MYRIP: variants seen among roughly 807,000 people sequenced by gnomAD.
The protein encoded by MYRIP is rab effector MyRIP.
MYRIP carries 49 observed loss-of-function variants against 98.0 expected under a neutral mutation model. The ratio of observed to expected loss-of-function variants is 0.50; its 90% CI spans 0.40 to 0.63. The LOEUF (loss-of-function observed/expected upper bound fraction) is 0.63. Among genes scored for constraint, MYRIP ranks in the 30% least tolerant of loss-of-function variants. MYRIP has a pLI of 0.00. For synonymous variants in MYRIP, 404 were observed against 409.5 expected (o/e 0.99, Z 0.16); for missense variants, 1,004 against 1,058.2 (o/e 0.95, Z 0.71).
In MYRIP at chr3:39,986,436, TTCTCTCCCTCTC is replaced by T. The variant is rs761387598; in HGVS notation, c.111-57595_111-57584del. Reference sequence around the variant, plus strand: ...TCCTCCCCACTCCCTCTCTGTCTCTTTCTCTCCCTCTCTCTCTCCCTCTCTCTCTCTCTCTGT... The same window carrying T: ...TCCTCCCCACTCCCTCTCTGTCTCTTTCTCTCCCTCTCTCTCTCTCTCTGT... On this transcript the variant is annotated intron_variant, in intron 2 of 16. Coordinates refer to ENST00000302541, the MANE Select transcript of MYRIP (RefSeq NM_015460.4). 1.2e-3 allele frequency among the ~76,000 whole-genome samples: 184 copies of T among 149,114 alleles called. 1 individual carries two copies. The highest frequency in any genetic ancestry group is 2.1e-3 in the Admixed American group (32 of 15,164).
At chr3:40,095,929 A>T (rs747156120) in intron 3 of MYRIP, among the ~76,000 whole-genome samples, 1 of 149,364 alleles carries the variant, frequency 6.7e-6, no homozygotes, top group Non-Finnish European at 1.5e-5. Flanking sequence ...CTTTTTTCTC[A>T]CACACACACA....
Position 40,209,709 on chromosome 3 carries a change from T to G in MYRIP, c.1666-145T>G, listed in dbSNP as rs1385563991. Reference sequence around the variant, plus strand: ...GTAAAGGTAAAACTAAAAGTCCATCTGAAGAGAAAGCAGACCAGGTAAGAA... The same window carrying G: ...GTAAAGGTAAAACTAAAAGTCCATCGGAAGAGAAAGCAGACCAGGTAAGAA... On this transcript the variant is annotated intron_variant, in intron 10 of 16. Coordinates refer to ENST00000302541, the MANE Select transcript of MYRIP (RefSeq NM_015460.4). The G allele has an allele frequency of 2.8e-6, 3 of 1,061,648 alleles. No homozygotes were observed. In the African/African-American group the frequency reaches 4.8e-5, roughly 17 times the overall value. 65.8% of individuals were successfully genotyped at this position (1,061,648 alleles called of 1,614,324 possible).
chr3:40,010,934 T>A (rs1251427599), intron 2 of MYRIP, among the ~76,000 whole-genome samples: 1 of 152,150 alleles, frequency 6.6e-6, no homozygotes. Flanking sequence ...CAGAGTTAGT[T>A]TTATCTGCAT....
At chr3:40,034,750 G>A (rs1947339492) in intron 2 of MYRIP, among the ~76,000 whole-genome samples, 1 of 151,762 alleles carries the variant, frequency 6.6e-6, no homozygotes, top group Non-Finnish European at 1.5e-5. Context: ...TATAAATCAT[G>A]CTGCTATAAA....
chr3:39,853,227 T>A (rs987952082), intron 1 of MYRIP, among the ~76,000 whole-genome samples: 1 of 152,210 alleles, frequency 6.6e-6, no homozygotes, highest in Non-Finnish European at 1.5e-5. Flanking sequence ...GCATATCAAG[T>A]GTCTTTTTTA....
chr3:40,179,546 T>C (rs1189731434), intron 8 of MYRIP, among the ~76,000 whole-genome samples: 5 of 152,222 alleles, frequency 3.3e-5, no homozygotes. Flanking sequence ...AAACTTGTAT[T>C]CAGTGATTTA....
intron 10 of MYRIP, among the ~76,000 whole-genome samples, chr3:40,200,909 T>A (rs1366467687): frequency 2.0e-5 from 3 of 152,156 alleles, no homozygotes; most frequent in Non-Finnish European, 2.9e-5. Context: ...TATAACTTAG[T>A]CTATGCCTAT....
chr3:39,898,684 G>T (rs1290267871), intron 1 of MYRIP, among the ~76,000 whole-genome samples: 2 of 151,966 alleles, frequency 1.3e-5, no homozygotes, highest in Non-Finnish European at 2.9e-5. Context: ...AAATGGTGGT[G>T]GTAGTGACTG....
intron 2 of MYRIP, among the ~76,000 whole-genome samples, chr3:39,902,539 G>A (rs1943767095): frequency 6.6e-6 from 1 of 152,112 alleles, no homozygotes; most frequent in Non-Finnish European, 1.5e-5. Context: ...GCACACCGTG[G>A]GTGTGCCCTA....
At chr3:39,874,973 G>A (rs1236545671) in intron 1 of MYRIP, among the ~76,000 whole-genome samples, 1 of 152,068 alleles carries the variant, frequency 6.6e-6, no homozygotes, top group Non-Finnish European at 1.5e-5. Flanking sequence ...TCTGGTCCTG[G>A]ACTCTTTTTG....
At chr3:40,162,454 T>C (rs1265265632) in intron 4 of MYRIP, among the ~76,000 whole-genome samples, 1 of 152,216 alleles carries the variant, frequency 6.6e-6, no homozygotes, top group Admixed American at 6.5e-5. Flanking sequence ...TAGTCTTTTG[T>C]TCTGTCTTTG....
In MYRIP at chr3:40,182,526, C is replaced by T. The variant is rs2125617691; in HGVS notation, c.1027+153C>T. 2.0e-5 allele frequency among the ~76,000 whole-genome samples: 3 copies of T among 152,320 alleles called. No individual in the cohort carries two copies. The South Asian group carries it at 6.2e-4, about 32-fold the overall frequency. On this transcript the variant is annotated intron_variant, in intron 9 of 16. Transcript: ENST00000302541. The stretch of plus-strand genomic sequence containing the variant: ...CTACCAAGTCATGAGGCCTCCAGCA[C>T]AACACACAATATATAATGTGGTCAT...
At chr3:40,124,388 G>A (rs940446389) in intron 3 of MYRIP, among the ~76,000 whole-genome samples, 2 of 152,220 alleles carry the variant, frequency 1.3e-5, no homozygotes, top group Non-Finnish European at 2.9e-5. Context: ...TTACAGCCAT[G>A]AATGGCTCTG....
intron 11 of MYRIP, among the ~76,000 whole-genome samples, chr3:40,215,087 C>T (rs927543527): frequency 6.6e-6 from 1 of 152,176 alleles, no homozygotes; most frequent in African/African-American, 2.4e-5. Flanking sequence ...TCTTTTGGAA[C>T]ATGAGCATTT....
chr3:39,958,373 C>T (rs1945225220), intron 2 of MYRIP, among the ~76,000 whole-genome samples: 1 of 152,102 alleles, frequency 6.6e-6, no homozygotes, highest in Admixed American at 6.6e-5. Context: ...GAAATAATGC[C>T]ACAAAGCTAC....
intron 2 of MYRIP, among the ~76,000 whole-genome samples, chr3:39,929,561 A>AAT (rs1944493511): frequency 6.6e-6 from 1 of 152,094 alleles, no homozygotes; most frequent in South Asian, 2.1e-4. Flanking sequence ...AGAATGCAGA[A>AAT]ATAGGCCCGT....
chr3:39,836,377 C>G (rs1237674175), intron 1 of MYRIP, among the ~76,000 whole-genome samples: 1 of 152,004 alleles, frequency 6.6e-6, no homozygotes, highest in South Asian at 2.1e-4. Flanking sequence ...GTTTTTTGGC[C>G]ACATAAATGT....
intron 3 of MYRIP, among the ~76,000 whole-genome samples, chr3:40,133,160 C>G (rs1054347018): frequency 2.0e-5 from 3 of 152,204 alleles, no homozygotes; most frequent in African/African-American, 4.8e-5. Flanking sequence ...AACAACAGTG[C>G]AGGGCAGGAA....
chr3:40,004,723 A>G (rs1379440905), intron 2 of MYRIP, among the ~76,000 whole-genome samples: 6 of 152,088 alleles, frequency 3.9e-5, no homozygotes. Flanking sequence ...AAGTCAGAAG[A>G]TGTAATATAT....
Sources: gnomAD v4.1 joint callset for allele counts (sites outside exome capture counted in the v4.1 genomes callset) on GRCh38, gnomAD v4.1.1 for gene constraint, MANE v1.5 for transcripts, NCBI Gene and HGNC (gene_info 2026-07-23, HGNC 2026-07-21) for gene names.